The following MAPK10 variants were observed in gnomAD, a reference collection of about 807,000 sequenced individuals.
The protein encoded by MAPK10 is mitogen-activated protein kinase 10.
A neutral mutation model predicts 59.3 loss-of-function variants in MAPK10; 25 were observed. The observed-to-expected ratio is 0.42, with a 90% confidence interval of 0.31 to 0.59. MAPK10 has a LOEUF of 0.59. MAPK10 is among the 20% of genes least tolerant of loss of function. MAPK10 has a pLI of 0.15. For missense variants in MAPK10, 351 were observed against 568.9 expected, an observed-to-expected ratio of 0.62 and a Z score of 3.90; for synonymous variants, 190 against 200.5, an observed-to-expected ratio of 0.95 and a Z score of 0.44.
intron 4 of MAPK10, among the ~76,000 whole-genome samples, chr4:86,118,492 C>G (rs886999041): frequency 3.3e-5 from 5 of 151,998 alleles, no homozygotes; most frequent in Non-Finnish European, 7.4e-5. Flanking sequence ...ATAGAGCTTT[C>G]TGCTGTTATG....
intron 13 of MAPK10, among the ~76,000 whole-genome samples, chr4:86,022,772 A>T (rs1299037071): frequency 6.6e-6 from 1 of 152,170 alleles, no homozygotes; most frequent in East Asian, 1.9e-4. Flanking sequence ...GCCTCCCAAA[A>T]TGCTGGGTCT....
intron 1 of MAPK10, among the ~76,000 whole-genome samples, chr4:86,452,516 C>T (rs529940965): frequency 2.6e-5 from 4 of 151,920 alleles, no homozygotes; most frequent in Non-Finnish European, 4.4e-5. Context: ...ACATACAATG[C>T]GCACGCACAC....
intron 2 of MAPK10, among the ~76,000 whole-genome samples, chr4:86,208,313 T>C (rs2084754684): frequency 6.7e-6 from 1 of 150,334 alleles, no homozygotes; most frequent in Non-Finnish European, 1.5e-5. Context: ...CCAATATCCT[T>C]GATGAACATT....
intron 9 of MAPK10, among the ~76,000 whole-genome samples, chr4:86,097,901 C>G (rs2054545978): frequency 6.6e-6 from 1 of 152,134 alleles, no homozygotes; most frequent in Admixed American, 6.6e-5. Context: ...GGAAAACAAG[C>G]ATGTATGTCT....
intron 1 of MAPK10, among the ~76,000 whole-genome samples, chr4:86,474,585 C>A (rs765400386): frequency 5.3e-5 from 8 of 152,186 alleles, no homozygotes; most frequent in Non-Finnish European, 8.8e-5. Context: ...TTCTACCAGT[C>A]TCTGAAAATG....
chr4:86,546,556 TAAAAAA>T, intron 1 of MAPK10, among the ~76,000 whole-genome samples: 1 of 136,994 alleles, frequency 7.3e-6, no homozygotes, highest in African/African-American at 2.7e-5. Flanking sequence ...AAACTCCTTC[TAAAAAA>T]AAAAAAAAAA....
At chr4:86,456,082 T>TTTAAAA (rs1751202163), upstream of MAPK10, among the ~76,000 whole-genome samples, 1 of 152,120 alleles carries the variant, frequency 6.6e-6, no homozygotes, top group Non-Finnish European at 1.5e-5. Context: ...GAAATCAAGA[T>TTTAAAA]GGAAATTTAA....
At chr4:86,220,385 C>T (rs2089209818) in intron 2 of MAPK10, among the ~76,000 whole-genome samples, 1 of 152,044 alleles carries the variant, frequency 6.6e-6, no homozygotes, top group Non-Finnish European at 1.5e-5. Context: ...ACTAATTTGA[C>T]CTCTGCATAT....
intron 2 of MAPK10, among the ~76,000 whole-genome samples, chr4:86,293,193 C>CTG: frequency 1.3e-5 from 2 of 152,128 alleles, no homozygotes; most frequent in African/African-American, 4.8e-5. Context: ...TCCAAAATGT[C>CTG]CCCTAGAATT....
At chr4:86,374,999 C>T (rs971478123) in intron 1 of MAPK10, among the ~76,000 whole-genome samples, 3 of 152,166 alleles carry the variant, frequency 2.0e-5, no homozygotes, top group East Asian at 1.9e-4. Context: ...AAGACAAAAA[C>T]GTGTTCGGAT....
intron 1 of MAPK10, among the ~76,000 whole-genome samples, chr4:86,443,631 G>A (rs775556859): frequency 2.6e-5 from 4 of 151,634 alleles, no homozygotes; most frequent in Non-Finnish European, 5.9e-5. Flanking sequence ...ACACACACAC[G>A]CACAAAACGC....
chr4:86,435,055 T>C (rs1055262540), intron 1 of MAPK10, among the ~76,000 whole-genome samples: 1 of 151,976 alleles, frequency 6.6e-6, no homozygotes, highest in African/African-American at 2.4e-5. Flanking sequence ...AAGACAAATA[T>C]CACATTCATA....
intron 1 of MAPK10, among the ~76,000 whole-genome samples, chr4:86,397,256 C>A (rs1431980753): frequency 1.3e-5 from 2 of 152,058 alleles, no homozygotes; most frequent in African/African-American, 2.4e-5. Flanking sequence ...TTATTGAGAA[C>A]CTGCGTCAGG....
At position 86,036,563 on chromosome 4, in the gene MAPK10, TA is replaced by T. The variant is rs2040348451; in HGVS notation, c.1111-5133del. Among the ~76,000 whole-genome samples the T allele has an allele frequency of 2.6e-5, 4 of 152,276 alleles. No homozygotes were observed. The South Asian group carries it at 6.2e-4, about 24-fold the overall frequency. On this transcript the variant is annotated intron_variant, in intron 11 of 13. Transcript: ENST00000641462. ...AGGAAACTAAGATTCAAGGAAATTT[TA>T]AAAAATATATCATGAAGTCATATAG...
At chr4:86,173,540 T>C (rs1436817741) in intron 3 of MAPK10, among the ~76,000 whole-genome samples, 1 of 152,070 alleles carries the variant, frequency 6.6e-6, no homozygotes, top group African/African-American at 2.4e-5. Flanking sequence ...GAAGAAAATC[T>C]AGGCAATATC....
At chr4:86,538,648 T>C (rs1189809973) in intron 1 of MAPK10, among the ~76,000 whole-genome samples, 1 of 152,072 alleles carries the variant, frequency 6.6e-6, no homozygotes, top group African/African-American at 2.4e-5. Flanking sequence ...AATTGGAGAG[T>C]AGAGCTGTCC....
rs189944783 is a variant in MAPK10, at chr4:86,209,729, T to A, written c.-6-15322A>T. Among the ~76,000 whole-genome samples, 43 of 152,114 alleles carry A rather than the reference T, an allele frequency of 2.8e-4. No individual in the cohort carries two copies. The South Asian group carries it at 2.9e-3, about 10-fold the overall frequency. On this transcript the variant is annotated intron_variant, in intron 2 of 13. Coordinates refer to ENST00000641462, the MANE Select transcript of MAPK10 (RefSeq NM_138982.4). ...AAGTAATTTACAGATATGATTCATT[T>A]CCTATCAAAGTACCAATGACATTCT...
At position 86,072,098 on chromosome 4, in the gene MAPK10, G is replaced by A. The variant is rs866585898; in HGVS notation, c.803-4143C>T. ...AGTGGTTTGTAGTTCTCCTTGAAGA[G>A]GTCCTTCACATCCCTTGTAAGTTGG... On this transcript the variant is annotated intron_variant, in intron 9 of 13. Coordinates refer to ENST00000641462, the MANE Select transcript of MAPK10 (RefSeq NM_138982.4). Among the ~76,000 whole-genome samples the A allele has an allele frequency of 1.3e-3, 194 of 149,840 alleles. 1 individual carries two copies. Among genetic ancestry groups the A allele is most frequent in the African/African-American group, 4.6e-3 (185 of 40,132 alleles).
chr4:86,403,863 A>G lies in MAPK10; in HGVS notation c.-122+49167T>C, dbSNP rs571510283. Reference sequence around the variant, plus strand: ...TGACACGTAGGCATTACAACCGGAGATAAGATTTCGGTAGGGACACAGATC... The same window carrying G: ...TGACACGTAGGCATTACAACCGGAGGTAAGATTTCGGTAGGGACACAGATC... On this transcript the variant is annotated intron_variant, in intron 1 of 13. Coordinates refer to the MAPK10 transcript ENST00000361569. 2.2e-3 allele frequency among the ~76,000 whole-genome samples: 340 copies of G among 152,268 alleles called. 1 individual carries two copies. Among genetic ancestry groups the G allele is most frequent in the African/African-American group, 8.0e-3 (332 of 41,562 alleles).
Sources: allele counts gnomAD v4.1 joint callset (sites outside exome capture counted in the v4.1 genomes callset), GRCh38; gene constraint gnomAD v4.1.1; transcripts MANE v1.5; gene names NCBI Gene and HGNC (gene_info 2026-07-23, HGNC 2026-07-21).